The following CDCP1 variants were observed in gnomAD, a reference collection of about 807,000 sequenced individuals.
CDCP1 encodes the protein CUB domain containing protein 1, also known as CUB domain-containing protein 1.
A neutral mutation model predicts 60.2 loss-of-function variants in CDCP1; 29 were observed. The ratio of observed to expected loss-of-function variants is 0.48; its 90% CI spans 0.36 to 0.66. The LOEUF is 0.66. Among genes scored for constraint, CDCP1 ranks in the 30% least tolerant of loss-of-function variants. The pLI is 0.00. For missense variants in CDCP1, 876 were observed against 1,074.3 expected (o/e 0.82, Z 2.58); for synonymous variants, 387 against 431.1 (o/e 0.90, Z 1.27).
chr3:45,134,183 G>T (rs983876149), intron 1 of CDCP1, among the ~76,000 whole-genome samples: 8 of 151,506 alleles, frequency 5.3e-5, no homozygotes, highest in Admixed American at 2.0e-4. Flanking sequence ...TCAGTGCAGT[G>T]GTGCGATCTA....
chr3:45,099,569 G>A (rs1206212206), intron 4 of CDCP1, among the ~76,000 whole-genome samples: 1 of 152,056 alleles, frequency 6.6e-6, no homozygotes, highest in African/African-American at 2.4e-5. Context: ...GAAATATTTT[G>A]TGATGATTCC....
chr3:45,135,710 T>C (rs1402528815), intron 1 of CDCP1, among the ~76,000 whole-genome samples: 9 of 152,202 alleles, frequency 5.9e-5, no homozygotes, highest in South Asian at 2.1e-4. Flanking sequence ...CTCGGGGTTT[T>C]GTTAATGATG....
At chr3:45,131,579 T>C (rs894735968) in intron 1 of CDCP1, among the ~76,000 whole-genome samples, 3 of 152,208 alleles carry the variant, frequency 2.0e-5, no homozygotes, top group African/African-American at 4.8e-5. Context: ...TAGCATAATG[T>C]AGGTGAGAAT....
chr3:45,098,948 T>C (rs999607824), intron 4 of CDCP1, among the ~76,000 whole-genome samples: 3 of 152,238 alleles, frequency 2.0e-5, no homozygotes, highest in Middle Eastern at 6.8e-3. Flanking sequence ...CATTAGGTAC[T>C]TCCTCAACTT....
intron 4 of CDCP1, among the ~76,000 whole-genome samples, chr3:45,108,330 C>T (rs942090559): frequency 3.3e-5 from 5 of 152,120 alleles, no homozygotes; most frequent in African/African-American, 9.7e-5. Flanking sequence ...ACTCACTCCG[C>T]TAGAAACAGT....
intron 4 of CDCP1, among the ~76,000 whole-genome samples, chr3:45,103,618 AG>A (rs1698519255): frequency 6.6e-6 from 1 of 152,194 alleles, no homozygotes; most frequent in Non-Finnish European, 1.5e-5. Flanking sequence ...AGAGGTGATT[AG>A]GTTGTTAAAA....
At chr3:45,099,152 T>C (rs970690892) in intron 4 of CDCP1, among the ~76,000 whole-genome samples, 2 of 151,826 alleles carry the variant, frequency 1.3e-5, no homozygotes, top group African/African-American at 4.8e-5. Flanking sequence ...TTTTACTTTC[T>C]TTTTAGGTGG....
Position 45,091,334 on chromosome 3 carries a change from T to C in CDCP1, c.1832A>G (p.Gln611Arg), listed in dbSNP as rs762235076. The C allele has an allele frequency of 4.3e-6, 7 of 1,614,194 alleles. No homozygotes were observed. The highest frequency in any genetic ancestry group is 5.1e-6 in the Non-Finnish European group (6 of 1,180,054). ...TGRAFMIIQE[Q>R]RTRAEEIFSL... ...GAAGATCTCCTCAGCCCGGGTCCGC[T>C]GCTCCTGGATGATCATGAATGCGCG... Residue 611 changes from glutamine (Q) to arginine (R), a missense_variant, in exon 7 of 9, where the codon CAG (glutamine) becomes CGG (arginine). This residue lies in a region of CDCP1 where 726 missense variants were observed against 935.7 expected (regional missense o/e 0.78). Transcript: ENST00000296129. This position sits in a 1 kb window ranked among gnomAD's most constrained non-coding sequence, Gnocchi z 4.8.
chr3:45,137,669 A>T (rs1475690515), intron 1 of CDCP1, among the ~76,000 whole-genome samples: 1 of 150,034 alleles, frequency 6.7e-6, no homozygotes, highest in African/African-American at 2.5e-5. Flanking sequence ...AAAAAAAAAA[A>T]ATTAGCCAGG....
intron 1 of CDCP1, among the ~76,000 whole-genome samples, chr3:45,134,108 GGA>G (rs1197412249): frequency 1.3e-5 from 2 of 152,054 alleles, no homozygotes; most frequent in Non-Finnish European, 2.9e-5. Flanking sequence ...CTGAGCAAGG[GGA>G]GAAACCCATG....
chr3:45,117,149 T>C lies in CDCP1; in HGVS notation c.292+1263A>G, dbSNP rs184456188. 1.1e-4 allele frequency among the ~76,000 whole-genome samples: 16 copies of C among 152,292 alleles called. No homozygotes were observed. In the East Asian group the frequency reaches 2.5e-3, roughly 24 times the overall value. On this transcript the variant is annotated intron_variant, in intron 2 of 8. Coordinates refer to ENST00000296129, the MANE Select transcript of CDCP1 (RefSeq NM_022842.5). ...CCTTCTTCCTAAGGTATGGCTTTGATTGGATGACAAATAGTGCTCTTATTC... is the reference window on the plus strand; with the variant it reads ...CCTTCTTCCTAAGGTATGGCTTTGACTGGATGACAAATAGTGCTCTTATTC...
chr3:45,097,332 A>G (rs554884793), intron 4 of CDCP1, among the ~76,000 whole-genome samples: 81 of 152,098 alleles, frequency 5.3e-4, no homozygotes, highest in African/African-American at 1.8e-3. Flanking sequence ...GAAAGAAAGA[A>G]AAGAAAAGAA....
Position 45,089,122 on chromosome 3 carries a change from G to A in CDCP1, c.2013C>T (p.Ile671=), listed in dbSNP as rs146276858. 214 of 1,613,908 alleles carry A rather than the reference G, an allele frequency of 1.3e-4. No homozygotes were observed. The highest frequency in any genetic ancestry group is 4.9e-4 in the Middle Eastern group (3 of 6,084). The change falls in exon 8 of 9, where the codon ATC becomes ATT. Residue 671 remains isoleucine (I), a synonymous_variant. Coordinates refer to ENST00000296129, the MANE Select transcript of CDCP1 (RefSeq NM_022842.5). ...PRTVDLTVIL[I]AAVGGGVLLL... ...GTAAGACTCCACCTCCCACCGCTGC[G>A]ATGAGGATGACAGTCAAGTCTGTGA...
At chr3:45,138,819 C>G (rs1486207764) in intron 1 of CDCP1, among the ~76,000 whole-genome samples, 1 of 151,786 alleles carries the variant, frequency 6.6e-6, no homozygotes, top group Non-Finnish European at 1.5e-5. Flanking sequence ...GTACTCTAGC[C>G]TGGGCAACAG....
At chr3:45,086,159 T>C in intron 8 of CDCP1, 92 bp from the exon 9 acceptor site, 1 of 1,159,118 alleles carries the variant, frequency 8.6e-7, no homozygotes, top group Non-Finnish European at 1.2e-6. Context: ...TTGGATTCTT[T>C]AGGGTTCTGA....
Position 45,118,604 on chromosome 3 carries a change from G to A in CDCP1, c.100C>T (p.Leu34=). 1 of 1,613,892 alleles carries A rather than the reference G, an allele frequency of 6.2e-7. No homozygotes were observed. The highest frequency in any genetic ancestry group is 8.5e-7 in the Non-Finnish European group (1 of 1,179,996). Residue 34 remains leucine (L), a synonymous_variant, in exon 2 of 9, where the codon CTG becomes TTG. Transcript: ENST00000296129. ...ACTGTAATGTTGCTTTCTCGTGGCA[G>A]AGCAATCTCAAAAGCTTCTGAAGGA... ...PRGAEAFEIA[L]PRESNITVLI...
chr3:45,133,717 C>A (rs74652819), intron 1 of CDCP1, among the ~76,000 whole-genome samples: 2 of 50,284 alleles, frequency 4.0e-5, no homozygotes, highest in African/African-American at 2.7e-4. Flanking sequence ...GACTCCGTCT[C>A]AAAAAAAAAA....
In CDCP1 at chr3:45,085,584, G is replaced by A. The variant is rs1698173576; in HGVS notation, c.*54C>T. The A allele has an allele frequency of 6.6e-7, 1 of 1,516,666 alleles. No homozygotes were observed. The highest frequency in any genetic ancestry group is 9.0e-7 in the Non-Finnish European group (1 of 1,116,732). The allele number at this position is 1,516,666 out of a possible 1,614,324, so 94.0% of individuals were successfully genotyped here. A position where few individuals can be genotyped will look rare whatever the true frequency, so the allele number is the denominator to read the frequency against. On this transcript the variant is annotated 3_prime_UTR_variant, in exon 9 of 9. Coordinates refer to ENST00000296129, the MANE Select transcript of CDCP1 (RefSeq NM_022842.5). The surrounding 1 kb of genome is among the most constrained non-coding windows in gnomAD (Gnocchi z 4.2). The stretch of plus-strand genomic sequence containing the variant: ...GATTTCTGGTTAGGAACACGGACGG[G>A]TGTCTCAGTGCCCTGCTTTATGAAA...
intron 4 of CDCP1, among the ~76,000 whole-genome samples, chr3:45,107,629 T>G (rs1698590517): frequency 6.6e-6 from 1 of 152,152 alleles, no homozygotes; most frequent in African/African-American, 2.4e-5. Flanking sequence ...AACACCCCGA[T>G]GAGGACAGTC....
Sources: gnomAD v4.1 joint callset for allele counts (sites outside exome capture counted in the v4.1 genomes callset) on GRCh38, gnomAD v4.1.1 for gene constraint, gnomAD v4.1.1 regional missense constraint, Gnocchi (gnomAD v3.1) non-coding constraint, MANE v1.5 for transcripts, NCBI Gene and HGNC (gene_info 2026-07-23, HGNC 2026-07-21) for gene names.